ANO3: variants seen among roughly 807,000 people sequenced by gnomAD.
The protein encoded by ANO3 is anoctamin 3.
A neutral mutation model predicts 144.8 loss-of-function variants in ANO3; 99 were observed. The observed-to-expected ratio is 0.68, with a 90% confidence interval of 0.58 to 0.81. ANO3 has a LOEUF of 0.81. ANO3 is among the 30% of genes least tolerant of loss of function. ANO3 has a pLI of 0.00. For synonymous variants in ANO3, 414 were observed against 392.6 expected (o/e 1.05, Z -0.64); for missense variants, 905 against 1,202.2 (o/e 0.75, Z 3.66).
intron 1 of ANO3, among the ~76,000 whole-genome samples, chr11:26,362,751 T>G (rs1181769828): frequency 6.6e-6 from 1 of 152,220 alleles, no homozygotes; most frequent in Non-Finnish European, 1.5e-5. Context: ...TTTTGTTAGT[T>G]GCTATTTTTT....
At chr11:26,365,373 C>T (rs1024593843) in intron 1 of ANO3, among the ~76,000 whole-genome samples, 7 of 152,164 alleles carry the variant, frequency 4.6e-5, no homozygotes, top group Non-Finnish European at 8.8e-5. Context: ...GGGACACTGG[C>T]CCCCTTCCCA....
intron 24 of ANO3, among the ~76,000 whole-genome samples, chr11:26,649,157 TA>T (rs1853443975): frequency 6.6e-6 from 1 of 152,130 alleles, no homozygotes; most frequent in Admixed American, 6.5e-5. Context: ...TAAAAGGCCA[TA>T]AAAACCCTAG....
intron 1 of ANO3, among the ~76,000 whole-genome samples, chr11:26,289,238 G>A (rs1316174811): frequency 2.0e-5 from 3 of 151,738 alleles, no homozygotes; most frequent in African/African-American, 7.3e-5. Context: ...CAGCAGACTT[G>A]GATTTATGTC....
At chr11:26,565,956 G>T in intron 14 of ANO3, 4 of 1,373,032 alleles carry the variant, frequency 2.9e-6, no homozygotes, top group Non-Finnish European at 1.9e-6. Flanking sequence ...TTTTTAAATG[G>T]ATCTATATAT....
intron 7 of ANO3, among the ~76,000 whole-genome samples, chr11:26,527,968 T>G (rs1849208069): frequency 6.6e-6 from 1 of 152,194 alleles, no homozygotes; most frequent in Admixed American, 6.5e-5. Flanking sequence ...CTTTGACCCT[T>G]TAATCCAGAC....
chr11:26,451,132 G>A (rs765347082), intron 3 of ANO3, among the ~76,000 whole-genome samples: 27 of 152,114 alleles, frequency 1.8e-4, no homozygotes, highest in Non-Finnish European at 2.6e-4. Flanking sequence ...GAACCACTCC[G>A]GTCTACAGAT....
At chr11:26,388,639 C>G (rs2126185) in intron 1 of ANO3, among the ~76,000 whole-genome samples, 17 of 151,940 alleles carry the variant, frequency 1.1e-4, no homozygotes, top group Middle Eastern at 3.4e-3. Flanking sequence ...CTAAGGAAAC[C>G]GAGGCAGAGA....
chr11:26,307,954 C>T (rs556241814), upstream of ANO3, among the ~76,000 whole-genome samples: 1 of 152,202 alleles, frequency 6.6e-6, no homozygotes, highest in Admixed American at 6.5e-5. Context: ...ACACTTCACT[C>T]ATTATTTCTC....
intron 1 of ANO3, among the ~76,000 whole-genome samples, chr11:26,277,400 A>C (rs192047645): frequency 6.6e-6 from 1 of 152,146 alleles, no homozygotes; most frequent in Non-Finnish European, 1.5e-5. Flanking sequence ...GATTCCCAGG[A>C]TGTCTGAATT....
At chr11:26,305,698 C>G (rs1372639077), upstream of ANO3, among the ~76,000 whole-genome samples, 1 of 152,020 alleles carries the variant, frequency 6.6e-6, no homozygotes, top group Non-Finnish European at 1.5e-5. Flanking sequence ...TTTATTTTTT[C>G]ATACAAGAGT....
intron 1 of ANO3, among the ~76,000 whole-genome samples, chr11:26,343,956 A>G (rs1336245438): frequency 6.6e-6 from 1 of 152,206 alleles, no homozygotes; most frequent in Non-Finnish European, 1.5e-5. Flanking sequence ...CAAAAGCTCA[A>G]TTAAGTAAAA....
chr11:26,202,260 TTAA>T (rs1564914865), intron 1 of ANO3, among the ~76,000 whole-genome samples: 3 of 145,898 alleles, frequency 2.1e-5, no homozygotes, highest in African/African-American at 5.0e-5. Context: ...ATATTATATA[TTAA>T]TATCTATATA....
chr11:26,437,515 C>G (rs916454556), intron 1 of ANO3, among the ~76,000 whole-genome samples: 15 of 152,200 alleles, frequency 9.9e-5, no homozygotes, highest in African/African-American at 3.6e-4. Flanking sequence ...TTGATTTTCT[C>G]CATTCTCCAT....
At chr11:26,280,373 C>G (rs147036256) in intron 1 of ANO3, among the ~76,000 whole-genome samples, 9 of 152,172 alleles carry the variant, frequency 5.9e-5, no homozygotes, top group African/African-American at 2.2e-4. Flanking sequence ...GGCATATTGA[C>G]TCACATGATC....
chr11:26,324,306 C>G (rs948920594), intron 1 of ANO3, among the ~76,000 whole-genome samples: 5 of 152,286 alleles, frequency 3.3e-5, no homozygotes, highest in African/African-American at 1.2e-4. Flanking sequence ...GACCCTATCT[C>G]TCACTTCAGC....
intron 1 of ANO3, among the ~76,000 whole-genome samples, chr11:26,385,703 A>C (rs1315690027): frequency 6.6e-6 from 1 of 152,128 alleles, no homozygotes; most frequent in East Asian, 1.9e-4. Context: ...TCACATCTCA[A>C]GATCCTATAT....
At chr11:26,464,101 G>A (rs1859513637) in intron 4 of ANO3, among the ~76,000 whole-genome samples, 1 of 151,748 alleles carries the variant, frequency 6.6e-6, no homozygotes, top group Admixed American at 6.6e-5. Flanking sequence ...ATCTTTATTA[G>A]TCACCCACCA....
chr11:26,404,740 CTT>C (rs564906538), intron 1 of ANO3, among the ~76,000 whole-genome samples: 626 of 151,616 alleles, frequency 4.1e-3, no homozygotes, highest in Non-Finnish European at 7.2e-3. Flanking sequence ...CATTATTAAT[CTT>C]GAGATAAAAA....
chr11:26,631,203 A>G (rs1279874649), intron 18 of ANO3, among the ~76,000 whole-genome samples: 2 of 152,108 alleles, frequency 1.3e-5, no homozygotes, highest in Admixed American at 1.3e-4. Flanking sequence ...CTCTTTTCTC[A>G]TAACTAGACT....
Sources: gnomAD v4.1 joint callset for allele counts (sites outside exome capture counted in the v4.1 genomes callset) on GRCh38, gnomAD v4.1.1 for gene constraint, MANE v1.5 for transcripts, NCBI Gene and HGNC (gene_info 2026-07-23, HGNC 2026-07-21) for gene names.